Variants in ZNF385D observed in about 807,000 individuals in gnomAD.
The protein encoded by ZNF385D is zinc finger protein 659.
Under a neutral mutation model 35.8 loss-of-function variants are expected in ZNF385D, and 15 were observed. The ratio of observed to expected loss-of-function variants is 0.42; its 90% CI spans 0.28 to 0.64. The LOEUF is 0.64. Ranked by LOEUF, ZNF385D falls within the 30% of genes least tolerant of loss-of-function variation. ZNF385D has a pLI of 0.23. For synonymous variants in ZNF385D, 212 were observed against 186.8 expected (o/e 1.13, Z -1.10); for missense variants, 474 against 494.6 (o/e 0.96, Z 0.39).
intron 2 of ZNF385D, among the ~76,000 whole-genome samples, chr3:21,649,529 TA>T (rs1389254505): frequency 1.3e-5 from 2 of 152,190 alleles, no homozygotes; most frequent in Non-Finnish European, 2.9e-5. Context: ...AAAGCCATTT[TA>T]TAAGAGTTTG....
intron 2 of ZNF385D, among the ~76,000 whole-genome samples, chr3:22,296,363 T>C (rs1156618965): frequency 6.6e-6 from 1 of 152,160 alleles, no homozygotes; most frequent in Non-Finnish European, 1.5e-5. Context: ...GTTTGAATCA[T>C]AGGTTCTTGT....
intron 3 of ZNF385D, among the ~76,000 whole-genome samples, chr3:21,822,823 A>G (rs1694355713): frequency 6.6e-6 from 1 of 152,182 alleles, no homozygotes; most frequent in South Asian, 2.1e-4. Flanking sequence ...AAAACAAGTG[A>G]CAAATTAATG....
At chr3:21,757,186 G>C (rs1424069337) in intron 3 of ZNF385D, among the ~76,000 whole-genome samples, 1 of 131,840 alleles carries the variant, frequency 7.6e-6, no homozygotes, top group Non-Finnish European at 1.5e-5. Flanking sequence ...CCCCAGGCTG[G>C]AGTGGCGCAA....
intron 3 of ZNF385D, among the ~76,000 whole-genome samples, chr3:21,536,572 G>T (rs1419256245): frequency 6.6e-6 from 1 of 152,012 alleles, no homozygotes; most frequent in Non-Finnish European, 1.5e-5. Context: ...ATTAATTTAT[G>T]CATTTAATTA....
At chr3:22,208,403 T>C (rs1056973310) in intron 2 of ZNF385D, among the ~76,000 whole-genome samples, 2 of 151,348 alleles carry the variant, frequency 1.3e-5, no homozygotes, top group African/African-American at 2.4e-5. Context: ...ACTGAACTCA[T>C]GAACATAGAG....
At chr3:22,038,091 A>G (rs535877727) in intron 3 of ZNF385D, among the ~76,000 whole-genome samples, 13 of 152,210 alleles carry the variant, frequency 8.5e-5, no homozygotes, top group Non-Finnish European at 1.8e-4. Flanking sequence ...GATGGATTAA[A>G]GACTTAAATG....
chr3:21,601,850 C>T (rs946444271), intron 2 of ZNF385D, among the ~76,000 whole-genome samples: 4 of 152,106 alleles, frequency 2.6e-5, no homozygotes, highest in African/African-American at 4.8e-5. Context: ...ACTCAGACTT[C>T]CCTACATGTC....
chr3:22,338,540 C>G (rs1695273578), intron 2 of ZNF385D, among the ~76,000 whole-genome samples: 1 of 151,876 alleles, frequency 6.6e-6, no homozygotes, highest in Non-Finnish European at 1.5e-5. Context: ...TTGATGTTGG[C>G]TCAGAAATAA....
intron 3 of ZNF385D, among the ~76,000 whole-genome samples, chr3:21,953,704 A>G (rs534280885): frequency 1.3e-5 from 2 of 152,130 alleles, no homozygotes; most frequent in Admixed American, 6.6e-5. Context: ...AAATACTATA[A>G]CCAGCCATCC....
intron 3 of ZNF385D, among the ~76,000 whole-genome samples, chr3:22,123,442 T>A (rs1338699438): frequency 6.6e-6 from 1 of 152,222 alleles, no homozygotes; most frequent in African/African-American, 2.4e-5. Context: ...GCATAAAATG[T>A]GTAATCACAC....
At chr3:21,864,036 G>A (rs1378996486) in intron 3 of ZNF385D, among the ~76,000 whole-genome samples, 2 of 152,082 alleles carry the variant, frequency 1.3e-5, no homozygotes, top group African/African-American at 2.4e-5. Flanking sequence ...AACCAAAAAA[G>A]TAGTTTCCTC....
chr3:21,961,212 A>C (rs1161433690), intron 3 of ZNF385D, among the ~76,000 whole-genome samples: 2 of 152,108 alleles, frequency 1.3e-5, no homozygotes, highest in Non-Finnish European at 2.9e-5. Flanking sequence ...CAACTAAAAA[A>C]ATAAAAGAAA....
intron 4 of ZNF385D, among the ~76,000 whole-genome samples, chr3:21,470,683 A>C (rs116596112): frequency 2.0e-5 from 3 of 152,174 alleles, no homozygotes; most frequent in South Asian, 2.1e-4. Context: ...CACAGATCCT[A>C]ATTGAGCCAG....
chr3:21,496,399 T>C (rs1705857292), intron 4 of ZNF385D, among the ~76,000 whole-genome samples: 1 of 146,062 alleles, frequency 6.8e-6, no homozygotes, highest in South Asian at 2.1e-4. Flanking sequence ...ATATCATATA[T>C]ACACACATAT....
At chr3:22,157,709 T>G (rs1705683933) in intron 3 of ZNF385D, among the ~76,000 whole-genome samples, 1 of 152,140 alleles carries the variant, frequency 6.6e-6, no homozygotes, top group Non-Finnish European at 1.5e-5. Context: ...GAAGTAAAAA[T>G]CACACTTTTT....
chr3:22,006,150 T>TA (rs1164884286), intron 3 of ZNF385D, among the ~76,000 whole-genome samples: 1 of 152,108 alleles, frequency 6.6e-6, no homozygotes, highest in Non-Finnish European at 1.5e-5. Flanking sequence ...GATAAGTTTT[T>TA]AAAAACAGAG....
intron 3 of ZNF385D, among the ~76,000 whole-genome samples, chr3:21,813,817 G>A (rs1220511683): frequency 1.3e-5 from 2 of 152,076 alleles, no homozygotes; most frequent in African/African-American, 2.4e-5. Context: ...ATCTAGCAAG[G>A]CAGGCCAACA....
intron 3 of ZNF385D, among the ~76,000 whole-genome samples, chr3:21,829,222 T>C (rs879387392): frequency 2.0e-5 from 3 of 152,160 alleles, no homozygotes; most frequent in Non-Finnish European, 4.4e-5. Flanking sequence ...TTATAGAACA[T>C]TTTTAAAGGG....
chr3:22,029,744 G>T (rs1338963184), intron 3 of ZNF385D, among the ~76,000 whole-genome samples: 1 of 152,048 alleles, frequency 6.6e-6, no homozygotes, highest in Non-Finnish European at 1.5e-5. Context: ...TTGGGGATTG[G>T]TGCATTTCTA....
Sources: allele counts gnomAD v4.1 joint callset (sites outside exome capture counted in the v4.1 genomes callset), GRCh38; gene constraint gnomAD v4.1.1; transcripts MANE v1.5; gene names NCBI Gene and HGNC (gene_info 2026-07-23, HGNC 2026-07-21).